Variants in SNRNP200 observed in about 807,000 individuals in gnomAD.
The protein encoded by SNRNP200 is small nuclear ribonucleoprotein U5 subunit 200.
Under a neutral mutation model 255.2 loss-of-function variants are expected in SNRNP200, and 66 were observed. The observed-to-expected ratio is 0.26, with a 90% CI of 0.21 to 0.32. The LOEUF (loss-of-function observed/expected upper bound fraction) is 0.32, where lower values mean the gene tolerates loss of function less well. Ranked by LOEUF, SNRNP200 falls within the 10% of genes least tolerant of loss-of-function variation. SNRNP200 has a pLI of 1.00. For missense variants in SNRNP200, 1,585 were observed against 2,749.8 expected, an observed-to-expected ratio of 0.58 and a Z score of 9.47; for synonymous variants, 939 against 1,027.8, an observed-to-expected ratio of 0.91 and a Z score of 1.65.
rs775239529 is a variant in SNRNP200, at chr2:96,277,057, C to T, written c.6092+24G>A. ...TCAGAGCACACTATTATGCTGTGCC[C>T]AACAGGCACCACCTCTGGCTCACCT... On this transcript the variant is annotated intron_variant, in intron 42 of 44. Transcript: ENST00000323853. This position sits in a 1 kb window ranked among gnomAD's most constrained non-coding sequence, Gnocchi z 4.4. 27 of 1,613,982 alleles carry T rather than the reference C, an allele frequency of 1.7e-5. No homozygotes were observed. The highest frequency in any genetic ancestry group is 2.2e-5 in the Non-Finnish European group (26 of 1,179,980).
chr2:96,277,026 G>A lies in SNRNP200; in HGVS notation c.6093-41C>T, dbSNP rs770900159. ...AGGGGCGCACGTCAGTGATGGGGCA[G>A]TGGGCTCAGAGCACACTATTATGCT... On this transcript the variant is annotated intron_variant, in intron 42 of 44. Transcript: ENST00000323853. This position sits in a 1 kb window ranked among gnomAD's most constrained non-coding sequence, Gnocchi z 4.4. 3.7e-6 allele frequency: 6 copies of A among 1,613,866 alleles called. No homozygotes were observed. Among genetic ancestry groups the A allele is most frequent in the East Asian group, 2.2e-5 (1 of 44,894 alleles).
rs750045583 is a variant in SNRNP200 at position 96,295,571 on chromosome 2, C to T, written c.1759G>A (p.Val587Ile). 2 of 1,613,970 alleles carry T rather than the reference C, an allele frequency of 1.2e-6. No individual in the cohort carries two copies. Among genetic ancestry groups the T allele is most frequent in the African/African-American group, 1.3e-5 (1 of 74,988 alleles). The change falls in exon 14 of 45, where the codon GTC becomes ATC. Residue 587 changes from valine to isoleucine, a missense_variant. Val to Ile is a conservative substitution (Grantham distance 29). Transcript: ENST00000323853. ...ATGTCCCACTTCTCGGGGGTGCAGA[C>T]GATGATCTGAGTGGCACTGATCTCT... ...KEEISATQII[V>I]CTPEKWDIIT... is the part of the protein sequence containing the mutation.
intron 2 of SNRNP200, 41 bp downstream of exon 2, chr2:96,304,664 T>TTTG (rs1558773591): frequency 1.2e-6 from 2 of 1,613,218 alleles, no homozygotes; most frequent in Admixed American, 3.3e-5. Flanking sequence ...GGGAAGAGAC[T>TTTG]TTGGATCTGA....
At chr2:96,302,209 T>C (rs2063957879) in intron 3 of SNRNP200, among the ~76,000 whole-genome samples, 1 of 152,212 alleles carries the variant, frequency 6.6e-6, no homozygotes, top group Non-Finnish European at 1.5e-5. Flanking sequence ...ATCTCTCTTC[T>C]ATAAAATGGA....
rs369095092 is a variant in SNRNP200 at position 96,290,530 on chromosome 2, C to T, written c.2554-16G>A. 3 of 1,614,066 alleles carry T rather than the reference C, an allele frequency of 1.9e-6. No individual in the cohort carries two copies. Among genetic ancestry groups the T allele is most frequent in the Non-Finnish European group, 1.7e-6 (2 of 1,179,994 alleles). On this transcript the variant is annotated splice_polypyrimidine_tract_variant and intron_variant, in intron 19 of 44. Transcript: ENST00000323853. The surrounding 1 kb of genome is among the most constrained non-coding windows in gnomAD (Gnocchi z 4.5). ...GTCCCAGCATCTAGATCAGAGACAG[C>T]GAACCAAGAATGCTATGTCAAGAGA... is the stretch of plus-strand genomic sequence containing the variant.
intron 35 of SNRNP200, chr2:96,281,609 G>C (rs1306728579): frequency 6.9e-6 from 4 of 578,564 alleles, no homozygotes; most frequent in African/African-American, 1.8e-5. Context: ...CCCAGCTGCT[G>C]AATAAGGAAG....
At chr2:96,275,723 C>A (rs536691713) in intron 43 of SNRNP200, among the ~76,000 whole-genome samples, 1 of 152,222 alleles carries the variant, frequency 6.6e-6, no homozygotes, top group Non-Finnish European at 1.5e-5. Context: ...AAAGCTTAGG[C>A]TGGGCGCGGT....
At position 96,298,710 on chromosome 2, in the gene SNRNP200, G is replaced by A; in HGVS notation, c.883-8C>T. 1 of 1,614,180 alleles carries A rather than the reference G, an allele frequency of 6.2e-7. No individual in the cohort carries two copies. The highest frequency in any genetic ancestry group is 2.2e-5 in the East Asian group (1 of 44,894). On this transcript the variant is annotated splice_region_variant and splice_polypyrimidine_tract_variant and intron_variant, in intron 7 of 44. Coordinates refer to ENST00000323853, the MANE Select transcript of SNRNP200 (RefSeq NM_014014.5). ...CCGATCATCACTGGCCGTCTGCAGAGAGCAGGTAACACCACCATTAAGGCC... is the reference window on the plus strand; with the variant it reads ...CCGATCATCACTGGCCGTCTGCAGAAAGCAGGTAACACCACCATTAAGGCC...
Position 96,290,552 on chromosome 2 carries a change from G to A in SNRNP200, c.2554-38C>T. 6.2e-7 allele frequency: 1 copy of A among 1,613,714 alleles called. No homozygotes were observed. The highest frequency in any genetic ancestry group is 8.5e-7 in the Non-Finnish European group (1 of 1,179,630). On this transcript the variant is annotated intron_variant, in intron 19 of 44. Coordinates refer to ENST00000323853, the MANE Select transcript of SNRNP200 (RefSeq NM_014014.5). This position sits in a 1 kb window ranked among gnomAD's most constrained non-coding sequence, Gnocchi z 4.5. ...CAGCGAACCAAGAATGCTATGTCAA[G>A]AGAATGTCTGAATTTTGATGCAGGT...
At position 96,274,765 on chromosome 2, in the gene SNRNP200, C is replaced by T. The variant is rs1684625778; in HGVS notation, c.*247G>A. On this transcript the variant is annotated 3_prime_UTR_variant, in exon 45 of 45. Coordinates refer to ENST00000323853, the MANE Select transcript of SNRNP200 (RefSeq NM_014014.5). The stretch of plus-strand genomic sequence containing the variant: ...CAAATTATTTTATTAGAATGTCAGA[C>T]TCAAAAGAACTACCAGGAACATGCC... 1.8e-6 allele frequency: 1 copy of T among 550,700 alleles called. No individual in the cohort carries two copies. The highest frequency in any genetic ancestry group is 3.3e-6 in the Non-Finnish European group (1 of 306,566). 34.1% of individuals were successfully genotyped at this position (550,700 alleles called of 1,614,324 possible).
At chr2:96,281,307 C>G in intron 35 of SNRNP200, 1 of 172,322 alleles carries the variant, frequency 5.8e-6, no homozygotes, top group South Asian at 1.3e-4. Flanking sequence ...GCTGGGATTA[C>G]AGGCGCCTGC....
chr2:96,293,237 C>G, intron 15 of SNRNP200, 79 bp downstream of exon 15: 2 of 1,574,042 alleles, frequency 1.3e-6, no homozygotes, highest in Non-Finnish European at 1.7e-6. Flanking sequence ...TAAAACCCAA[C>G]CCAGTAGCAC....
intron 12 of SNRNP200, 30 bp from the exon 13 acceptor site, chr2:96,296,721 T>C: frequency 6.2e-7 from 1 of 1,613,334 alleles, no homozygotes; most frequent in South Asian, 1.1e-5. Flanking sequence ...TGAGAACGCC[T>C]ATTCACCTGG....
At chr2:96,297,239 A>G (rs896730202) in intron 11 of SNRNP200, 124 bp downstream of exon 11, 61 of 1,509,334 alleles carry the variant, frequency 4.0e-5, no homozygotes, top group Middle Eastern at 4.7e-4. Context: ...GAATGGGAAA[A>G]TTCTGTTGCA....
rs1451422006 is a variant in SNRNP200, at chr2:96,284,644, A to G, written c.4165-59T>C. ...AGGCCATACCAGGCATCTTTCACTTATGTGAGGAAAACCTGAGATGCCAAA... is the reference window on the plus strand; with the variant it reads ...AGGCCATACCAGGCATCTTTCACTTGTGTGAGGAAAACCTGAGATGCCAAA... On this transcript the variant is annotated intron_variant, in intron 30 of 44. Transcript: ENST00000323853. 6.5e-6 allele frequency: 8 copies of G among 1,235,050 alleles called. No individual in the cohort carries two copies. The Admixed American group carries it at 1.4e-4, about 21-fold the overall frequency. The allele number at this position is 1,235,050 out of a possible 1,614,324, so 76.5% of individuals were successfully genotyped here.
chr2:96,298,193 T>G (rs2063930691), intron 9 of SNRNP200, 91 bp downstream of exon 9: 1 of 1,580,268 alleles, frequency 6.3e-7, no homozygotes, highest in African/African-American at 1.3e-5. Flanking sequence ...CTTTTTCAAC[T>G]TCCACTTTTA....
chr2:96,298,134 T>C, intron 9 of SNRNP200, 150 bp downstream of exon 9: 1 of 1,125,502 alleles, frequency 8.9e-7, no homozygotes, highest in African/African-American at 1.5e-5. Context: ...GTGGATGTGT[T>C]GATTCTAACC....
intron 29 of SNRNP200, 114 bp from the exon 30 acceptor site, chr2:96,285,454 C>A: frequency 8.1e-7 from 1 of 1,232,990 alleles, no homozygotes; most frequent in Non-Finnish European, 1.2e-6. Context: ...TCAGGCAGTT[C>A]TGGAGTGCAG....
intron 3 of SNRNP200, 95 bp from the exon 4 acceptor site, chr2:96,301,811 C>T (rs902994342): frequency 7.5e-7 from 1 of 1,327,708 alleles, no homozygotes; most frequent in South Asian, 1.2e-5. Context: ...AAGAGCCACA[C>T]CTCTTCAAAA....
Sources: gnomAD v4.1 joint callset for allele counts (sites outside exome capture counted in the v4.1 genomes callset) on GRCh38, gnomAD v4.1.1 for gene constraint, Gnocchi (gnomAD v3.1) non-coding constraint, MANE v1.5 for transcripts, NCBI Gene and HGNC (gene_info 2026-07-23, HGNC 2026-07-21) for gene names.